The following ZNF385D variants were observed in gnomAD, a reference collection of about 807,000 sequenced individuals.
The protein encoded by ZNF385D is zinc finger protein 385D.
Under a neutral mutation model 35.8 loss-of-function variants are expected in ZNF385D, and 15 were observed. The ratio of observed to expected loss-of-function variants is 0.42; its 90% confidence interval spans 0.28 to 0.64. ZNF385D has a LOEUF of 0.64. Ranked by LOEUF, ZNF385D falls within the 30% of genes least tolerant of loss-of-function variation. The pLI, the probability that ZNF385D is intolerant of heterozygous loss-of-function variation, is 0.23. For synonymous variants in ZNF385D, 212 were observed against 186.8 expected (o/e 1.13, Z -1.10); for missense variants, 474 against 494.6 (o/e 0.96, Z 0.39).
intron 3 of ZNF385D, among the ~76,000 whole-genome samples, chr3:21,798,237 T>C (rs778977629): frequency 2.0e-5 from 3 of 152,202 alleles, no homozygotes; most frequent in Non-Finnish European, 4.4e-5. Flanking sequence ...AACTCTCTCA[T>C]GACACAGGTT....
At chr3:22,290,601 C>T (rs957634694) in intron 2 of ZNF385D, among the ~76,000 whole-genome samples, 10 of 152,282 alleles carry the variant, frequency 6.6e-5, no homozygotes, top group African/African-American at 2.2e-4. Context: ...CTCTGCCCGC[C>T]CCTCCTTCTT....
chr3:21,529,784 C>T (rs1056228095), intron 3 of ZNF385D, among the ~76,000 whole-genome samples: 25 of 152,234 alleles, frequency 1.6e-4, no homozygotes, highest in African/African-American at 5.8e-4. Flanking sequence ...ATTTACTGGT[C>T]CTGAGTTTAA....
chr3:21,648,644 C>T (rs1422616119), intron 2 of ZNF385D, among the ~76,000 whole-genome samples: 1 of 152,072 alleles, frequency 6.6e-6, no homozygotes, highest in African/African-American at 2.4e-5. Flanking sequence ...ATAAGAATCT[C>T]TTATGATTAC....
intron 3 of ZNF385D, among the ~76,000 whole-genome samples, chr3:22,145,045 CAATT>C (rs1349054639): frequency 7.0e-6 from 1 of 143,018 alleles, no homozygotes; most frequent in Non-Finnish European, 1.5e-5. Context: ...TGTGTAGTCA[CAATT>C]AGTTATCAGT....
intron 3 of ZNF385D, among the ~76,000 whole-genome samples, chr3:22,110,223 A>T (rs895579078): frequency 6.6e-6 from 1 of 152,118 alleles, no homozygotes; most frequent in Non-Finnish European, 1.5e-5. Flanking sequence ...TGTGGAAGTC[A>T]GTGTGGCGAT....
intron 2 of ZNF385D, among the ~76,000 whole-genome samples, chr3:22,333,786 T>C (rs1266399498): frequency 1.3e-5 from 2 of 152,172 alleles, no homozygotes; most frequent in Admixed American, 6.5e-5. Context: ...CCCCTCTGAG[T>C]TGGTGCAGAC....
chr3:22,322,804 G>A (rs1694502876), intron 2 of ZNF385D, among the ~76,000 whole-genome samples: 2 of 152,008 alleles, frequency 1.3e-5, no homozygotes, highest in African/African-American at 4.8e-5. Flanking sequence ...CTCTTCTTCT[G>A]AATTACTAAG....
In ZNF385D at chr3:21,785,523, T is replaced by C. The variant is rs1342981740; in HGVS notation, c.326-120495A>G. ...TTCGATGTCCAGAAACTTGAATAGC[T>C]AAAGCTTTGTACCCTTTAACCATCA... is the stretch of plus-strand genomic sequence containing the variant. On this transcript the variant is annotated intron_variant, in intron 3 of 5. Transcript: ENST00000494108. Among the ~76,000 whole-genome samples, 23 of 152,338 alleles carry C rather than the reference T, an allele frequency of 1.5e-4. No individual in the cohort carries two copies. The East Asian group carries it at 4.4e-3, about 29-fold the overall frequency.
intron 3 of ZNF385D, among the ~76,000 whole-genome samples, chr3:21,553,676 T>A (rs2062638522): frequency 6.6e-6 from 1 of 152,214 alleles, no homozygotes; most frequent in African/African-American, 2.4e-5. Flanking sequence ...ACACTAGTAC[T>A]GCTTTCAAAA....
intron 2 of ZNF385D, among the ~76,000 whole-genome samples, chr3:22,224,836 C>T (rs1199928757): frequency 3.3e-5 from 5 of 152,258 alleles, no homozygotes; most frequent in African/African-American, 1.2e-4. Context: ...CACCATGGAC[C>T]CACTCTGGAG....
intron 3 of ZNF385D, among the ~76,000 whole-genome samples, chr3:22,105,695 C>T (rs1393718373): frequency 6.6e-6 from 1 of 152,046 alleles, no homozygotes; most frequent in Non-Finnish European, 1.5e-5. Flanking sequence ...ATTCAACCTT[C>T]CTCCACCTTT....
chr3:21,862,204 G>T (rs998556187), intron 3 of ZNF385D, among the ~76,000 whole-genome samples: 5 of 151,652 alleles, frequency 3.3e-5, no homozygotes, highest in African/African-American at 1.2e-4. Context: ...TTAACTCATA[G>T]TTCCACATTT....
intron 2 of ZNF385D, among the ~76,000 whole-genome samples, chr3:21,570,196 A>G (rs1017104433): frequency 2.0e-5 from 3 of 152,182 alleles, no homozygotes; most frequent in Non-Finnish European, 4.4e-5. Context: ...ATTCAATTTC[A>G]AACTCAGCCC....
At chr3:22,216,101 C>G (rs11921402) in intron 2 of ZNF385D, among the ~76,000 whole-genome samples, 2,205 of 152,084 alleles carry the variant, frequency 0.014, 52 homozygotes, top group African/African-American at 0.05. Flanking sequence ...CTCTGACTCA[C>G]TTGTCTCTGT....
chr3:21,991,832 G>T (rs577998750), intron 3 of ZNF385D, among the ~76,000 whole-genome samples: 1 of 152,290 alleles, frequency 6.6e-6, no homozygotes, highest in Admixed American at 6.5e-5. Context: ...AGTCACAGTG[G>T]TAAGAAGTAG....
At chr3:22,129,616 T>C (rs1050012608) in intron 3 of ZNF385D, among the ~76,000 whole-genome samples, 4 of 152,082 alleles carry the variant, frequency 2.6e-5, no homozygotes, top group Non-Finnish European at 5.9e-5. Flanking sequence ...CTGACCCAGA[T>C]TTGTGGTGAC....
In ZNF385D at chr3:21,414,542, G is replaced by A. The variant is rs1700535036; in HGVS notation, c.*6672C>T. On this transcript the variant is annotated 3_prime_UTR_variant, in exon 8 of 8. Transcript: ENST00000281523. ...TTTATAGAAATATGGCTTAGATTTT[G>A]GAGCTATTTTGAGTAGCAAATGACT... is the stretch of plus-strand genomic sequence containing the variant. 1 of 152,050 alleles carries A rather than the reference G, an allele frequency of 6.6e-6. No individual in the cohort carries two copies. Among genetic ancestry groups the A allele is most frequent in the African/African-American group, 2.4e-5 (1 of 41,396 alleles). 9.4% of individuals were successfully genotyped at this position (152,050 alleles called of 1,614,324 possible).
At chr3:22,289,609 T>C (rs775301292) in intron 2 of ZNF385D, among the ~76,000 whole-genome samples, 3 of 152,140 alleles carry the variant, frequency 2.0e-5, no homozygotes, top group African/African-American at 4.8e-5. Flanking sequence ...TATGCACTGA[T>C]TATAGGAGGT....
chr3:22,236,194 A>G (rs986276278), intron 2 of ZNF385D, among the ~76,000 whole-genome samples: 3 of 152,208 alleles, frequency 2.0e-5, no homozygotes, highest in Non-Finnish European at 4.4e-5. Flanking sequence ...TTTATGATAT[A>G]TATGTATGTA....
Sources: allele counts gnomAD v4.1 joint callset (sites outside exome capture counted in the v4.1 genomes callset), GRCh38; gene constraint gnomAD v4.1.1; transcripts MANE v1.5; gene names NCBI Gene and HGNC (gene_info 2026-07-23, HGNC 2026-07-21).